CFAP57: variants seen among roughly 807,000 people sequenced by gnomAD.
CFAP57 encodes the protein cilia- and flagella-associated protein 57.
Under a neutral mutation model 146.8 loss-of-function variants are expected in CFAP57, and 116 were observed. The ratio of observed to expected loss-of-function variants is 0.79; its 90% CI spans 0.68 to 0.92. The LOEUF is 0.92. CFAP57 is among the 40% of genes least tolerant of loss of function. CFAP57 has a pLI of 0.00. For synonymous variants in CFAP57, 518 were observed against 552.8 expected, an observed-to-expected ratio of 0.94 and a Z score of 0.88; for missense variants, 1,377 against 1,527.2, an observed-to-expected ratio of 0.90 and a Z score of 1.64.
At chr1:43,210,219 A>G (rs1570111854) in intron 11 of CFAP57, 1 of 1,508,598 alleles carries the variant, frequency 6.6e-7, no homozygotes, top group Non-Finnish European at 8.8e-7. Context: ...TGTGGGCTGC[A>G]CTTGACCACA....
chr1:43,228,755 T>G (rs955799860), intron 18 of CFAP57, among the ~76,000 whole-genome samples: 1 of 148,986 alleles, frequency 6.7e-6, no homozygotes, highest in Non-Finnish European at 1.5e-5. Context: ...AACAAAATAC[T>G]TTAGAAGGGA....
chr1:43,248,484 A>ATT (rs113730554), intron 22 of CFAP57, among the ~76,000 whole-genome samples: 2 of 149,150 alleles, frequency 1.3e-5, no homozygotes, highest in Non-Finnish European at 1.5e-5. Flanking sequence ...GACCTGGCTA[A>ATT]TTTTTTTTTG....
At chr1:43,236,916 A>C (rs1237640798) in intron 21 of CFAP57, among the ~76,000 whole-genome samples, 2 of 150,988 alleles carry the variant, frequency 1.3e-5, no homozygotes, top group African/African-American at 4.9e-5. Context: ...CCCCCCCCAA[A>C]AAAAAAAGGC....
intron 4 of CFAP57, among the ~76,000 whole-genome samples, chr1:43,184,165 G>A (rs1258062758): frequency 6.6e-6 from 1 of 152,060 alleles, no homozygotes; most frequent in Non-Finnish European, 1.5e-5. Context: ...TTTTCCAGTG[G>A]CTAATTTAAT....
At chr1:43,213,135 T>G (rs1448947647) in intron 11 of CFAP57, among the ~76,000 whole-genome samples, 1 of 152,102 alleles carries the variant, frequency 6.6e-6, no homozygotes, top group Non-Finnish European at 1.5e-5. Flanking sequence ...TCGCCCAGGC[T>G]TGAGTGCAAT....
chr1:43,197,141 C>G (rs1212391750), intron 6 of CFAP57, among the ~76,000 whole-genome samples: 1 of 151,990 alleles, frequency 6.6e-6, no homozygotes, highest in East Asian at 1.9e-4. Flanking sequence ...ATCATAAGGT[C>G]AGGAGATCGA....
chr1:43,187,704 C>G (rs1305577472), intron 6 of CFAP57, among the ~76,000 whole-genome samples: 1 of 152,046 alleles, frequency 6.6e-6, no homozygotes, highest in East Asian at 1.9e-4. Context: ...TTACCTACTT[C>G]ATGTCTCTAT....
At chr1:43,200,455 C>A (rs2124437780) in intron 9 of CFAP57, among the ~76,000 whole-genome samples, 1 of 150,080 alleles carries the variant, frequency 6.7e-6, no homozygotes, top group Admixed American at 6.7e-5. Context: ...CCACTGCACT[C>A]CAGCCTGGGT....
rs185568811 is a variant in CFAP57, at chr1:43,199,707, G to T, written c.1542+204G>T. Among the ~76,000 whole-genome samples the T allele has an allele frequency of 1.1e-3, 173 of 152,370 alleles. No individual in the cohort carries two copies. The Middle Eastern group carries it at 0.024, about 21-fold the overall frequency. ...ACTGAAAGAAAAACATGGTGTTGTT[G>T]TGAGAGAAATAATGAAGGGGGCGGC... On this transcript the variant is annotated intron_variant, in intron 9 of 22. Coordinates refer to ENST00000372492, the MANE Select transcript of CFAP57 (RefSeq NM_001378189.1).
chr1:43,199,562 CCAGT>C, intron 9 of CFAP57, 59 bp downstream of exon 9: 3 of 1,459,430 alleles, frequency 2.1e-6, no homozygotes, highest in Middle Eastern at 2.0e-4. Context: ...ATGCCGCCAG[CCAGT>C]GGGATACAGG....
At chr1:43,182,062 G>C (rs779247626) in intron 3 of CFAP57, among the ~76,000 whole-genome samples, 13 of 152,204 alleles carry the variant, frequency 8.5e-5, no homozygotes, top group Non-Finnish European at 1.6e-4. Flanking sequence ...CAAGATCACA[G>C]AGGTAGTGAA....
chr1:43,238,168 A>G lies in CFAP57; in HGVS notation c.3405+3530A>G, dbSNP rs1450764002. Among the ~76,000 whole-genome samples, 2 of 152,154 alleles carry G rather than the reference A, an allele frequency of 1.3e-5. No homozygotes were observed. The highest frequency in any genetic ancestry group is 3.9e-4 in the East Asian group (2 of 5,190). On this transcript the variant is annotated intron_variant, in intron 21 of 22. Transcript: ENST00000372492. This position sits in a 1 kb window ranked among gnomAD's most constrained non-coding sequence, Gnocchi z 4.3. Reference sequence around the variant, plus strand: ...CCCACTGACTGTGGGTTCCAGAAAGATGTCACTGATGCAAGGATTCCAAGT... The same window carrying G: ...CCCACTGACTGTGGGTTCCAGAAAGGTGTCACTGATGCAAGGATTCCAAGT...
Position 43,247,281 on chromosome 1 carries a change from C to T in CFAP57, c.3538+3922C>T, listed in dbSNP as rs150969004. Among the ~76,000 whole-genome samples the T allele has an allele frequency of 1.8e-4, 27 of 152,342 alleles. No homozygotes were observed. The East Asian group carries it at 5.0e-3, about 28-fold the overall frequency. ...AAACCAACCCCAACATTTCCCCACT[C>T]AGTCTACCCTGGAGACTACCATGTT... On this transcript the variant is annotated intron_variant, in intron 22 of 22. Coordinates refer to ENST00000372492, the MANE Select transcript of CFAP57 (RefSeq NM_001378189.1).
At chr1:43,183,140 A>G (rs1055278196) in intron 3 of CFAP57, among the ~76,000 whole-genome samples, 2 of 152,224 alleles carry the variant, frequency 1.3e-5, no homozygotes, top group African/African-American at 4.8e-5. Flanking sequence ...ACATGATCCC[A>G]TTGTAAGTAG....
At chr1:43,227,951 C>G (rs976806103) in intron 18 of CFAP57, among the ~76,000 whole-genome samples, 1 of 152,242 alleles carries the variant, frequency 6.6e-6, no homozygotes, top group African/African-American at 2.4e-5. Flanking sequence ...TCACCAACAT[C>G]TGTCTGATCA....
chr1:43,199,030 A>C (rs990350648), intron 8 of CFAP57, among the ~76,000 whole-genome samples: 2 of 152,206 alleles, frequency 1.3e-5, no homozygotes, highest in Non-Finnish European at 2.9e-5. Context: ...CAATGGTGAG[A>C]GGTAATAAAG....
chr1:43,172,510 G>A, intron 1 of CFAP57, 57 bp downstream of exon 1: 2 of 1,424,996 alleles, frequency 1.4e-6, no homozygotes, highest in Non-Finnish European at 1.9e-6. Context: ...AGGGTACAAA[G>A]GAAAAGGCAG....
chr1:43,172,584 A>AAAGGGGAGGGGCAAGGGGAGGGG (rs1557714704), intron 1 of CFAP57, 131 bp downstream of exon 1: 5 of 459,084 alleles, frequency 1.1e-5, no homozygotes, highest in Admixed American at 3.8e-5. Context: ...AAGGGGAGGG[A>AAAGGGGAGGGGCAAGGGGAGGGG]CAAGGGGAGG....
At position 43,186,720 on chromosome 1, in the gene CFAP57, C is replaced by T. The variant is rs375915388; in HGVS notation, c.983C>T (p.Pro328Leu). 6.8e-6 allele frequency: 11 copies of T among 1,614,016 alleles called. No homozygotes were observed. The highest frequency in any genetic ancestry group is 3.3e-4 in the Middle Eastern group (2 of 6,084). ...CATTTTGGGCAGATTCCTGTGGACC[C>T]GCAGAGCAATGATCCAAGTCAGTCT... ...ESREIRIPVDPQSNDPSQSDK... is the reference protein window; with the variant it reads ...ESREIRIPVDLQSNDPSQSDK... Residue 328 changes from proline (P) to leucine (L), a missense_variant, in exon 6 of 23, where the codon CCG becomes CTG. Transcript: ENST00000372492.
Sources: gnomAD v4.1 joint callset for allele counts (sites outside exome capture counted in the v4.1 genomes callset) on GRCh38, gnomAD v4.1.1 for gene constraint, Gnocchi (gnomAD v3.1) non-coding constraint, MANE v1.5 for transcripts, NCBI Gene and HGNC (gene_info 2026-07-23, HGNC 2026-07-21) for gene names.